DCC: variants seen among roughly 807,000 people sequenced by gnomAD.
DCC encodes the protein netrin receptor DCC.
Under a neutral mutation model 172.5 loss-of-function variants are expected in DCC, and 58 were observed. That is an observed-to-expected ratio of 0.34 (90% confidence interval 0.27 to 0.42). The LOEUF is 0.42. Ranked by LOEUF, DCC falls within the 10% of genes least tolerant of loss-of-function variation. The probability of loss-of-function intolerance (pLI) is 1.00; values close to 1 mark genes in which losing one functional copy is unlikely to be tolerated. For missense variants in DCC, 1,740 were observed against 1,791.0 expected, an observed-to-expected ratio of 0.97 and a Z score of 0.51; for synonymous variants, 709 against 644.5, an observed-to-expected ratio of 1.10 and a Z score of -1.52.
At chr18:53,157,277 A>G (rs1435340148) in intron 7 of DCC, 79 bp from the exon 8 acceptor site, 1 of 1,562,600 alleles carries the variant, frequency 6.4e-7, no homozygotes, top group Non-Finnish European at 8.8e-7. Flanking sequence ...ATGCTTGCTA[A>G]TAGGTTGGCT....
At chr18:53,048,235 C>T (rs921888650) in intron 5 of DCC, among the ~76,000 whole-genome samples, 5 of 151,616 alleles carry the variant, frequency 3.3e-5, no homozygotes, top group African/African-American at 1.2e-4. Flanking sequence ...AAGGACAGTA[C>T]CCAATAGGTA....
chr18:53,470,675 C>A (rs188799330), intron 25 of DCC, among the ~76,000 whole-genome samples: 1 of 151,792 alleles, frequency 6.6e-6, no homozygotes, highest in African/African-American at 2.4e-5. Context: ...AGAATCATGG[C>A]GGAAGGTGAA....
At chr18:52,386,085 G>A (rs1985787991) in intron 1 of DCC, among the ~76,000 whole-genome samples, 1 of 152,024 alleles carries the variant, frequency 6.6e-6, no homozygotes, top group Admixed American at 6.5e-5. Flanking sequence ...CTAGCATAAG[G>A]TCAGAACTCA....
chr18:52,776,500 C>T (rs750444347), intron 2 of DCC, among the ~76,000 whole-genome samples: 13 of 152,092 alleles, frequency 8.5e-5, no homozygotes, highest in Middle Eastern at 3.4e-3. Context: ...TCTAGAGTAT[C>T]CGGGTAGCAA....
intron 1 of DCC, among the ~76,000 whole-genome samples, chr18:52,592,472 G>A (rs997429979): frequency 2.6e-5 from 4 of 152,106 alleles, no homozygotes; most frequent in Non-Finnish European, 2.9e-5. Context: ...GGTTGTTGGC[G>A]GAATTCACTT....
intron 1 of DCC, among the ~76,000 whole-genome samples, chr18:52,372,628 G>C (rs1375153268): frequency 4.6e-5 from 7 of 152,170 alleles, no homozygotes; most frequent in Admixed American, 6.5e-5. Flanking sequence ...CATTTAACGT[G>C]AGTGTGAAAC....
intron 15 of DCC, among the ~76,000 whole-genome samples, chr18:53,344,441 T>TG (rs1491550229): frequency 3.9e-5 from 1 of 25,432 alleles, no homozygotes; most frequent in Non-Finnish European, 6.7e-5. Flanking sequence ...TTCGTTTTTC[T>TG]TTTTTTTTTT....
intron 12 of DCC, among the ~76,000 whole-genome samples, chr18:53,283,414 C>T (rs73957144): frequency 0.046 from 7,026 of 152,056 alleles, 565 homozygotes; most frequent in African/African-American, 0.16. Flanking sequence ...TTTTCAGGCT[C>T]AGAGTCTTTA....
intron 27 of DCC, among the ~76,000 whole-genome samples, chr18:53,523,183 T>C (rs2046419267): frequency 6.6e-6 from 1 of 152,128 alleles, no homozygotes; most frequent in East Asian, 1.9e-4. Flanking sequence ...TCACTGGTCA[T>C]TAGAGAAATG....
intron 24 of DCC, among the ~76,000 whole-genome samples, chr18:53,460,733 A>G (rs987835691): frequency 2.0e-5 from 3 of 152,158 alleles, no homozygotes; most frequent in Non-Finnish European, 2.9e-5. Context: ...TAATGCCTCA[A>G]TAAACATACG....
intron 7 of DCC, among the ~76,000 whole-genome samples, chr18:53,096,872 T>C (rs1036576577): frequency 6.6e-6 from 1 of 152,182 alleles, no homozygotes; most frequent in African/African-American, 2.4e-5. Flanking sequence ...AACTACTTTA[T>C]AATGAAGTAA....
intron 2 of DCC, among the ~76,000 whole-genome samples, chr18:52,896,124 C>T (rs1321222737): frequency 6.6e-6 from 1 of 152,134 alleles, no homozygotes; most frequent in Non-Finnish European, 1.5e-5. Context: ...AATCACTTTA[C>T]TGAGGTGGTG....
chr18:52,923,575 T>C (rs1308932536), intron 3 of DCC, 132 bp from the exon 4 acceptor site: 6 of 736,662 alleles, frequency 8.1e-6, no homozygotes, highest in Non-Finnish European at 1.4e-5. Flanking sequence ...AAAACTATTT[T>C]AGGAGTTTAC....
At chr18:53,522,198 C>A (rs1043806624) in intron 27 of DCC, among the ~76,000 whole-genome samples, 4 of 151,850 alleles carry the variant, frequency 2.6e-5, no homozygotes, top group Non-Finnish European at 5.9e-5. Flanking sequence ...TCTGTACCTG[C>A]CAAGGTTTTT....
intron 1 of DCC, among the ~76,000 whole-genome samples, chr18:52,446,338 G>T (rs767624170): frequency 1.3e-5 from 2 of 152,322 alleles, no homozygotes; most frequent in Non-Finnish European, 2.9e-5. Context: ...TTGAAATTCT[G>T]TATTTGCTTA....
intron 2 of DCC, among the ~76,000 whole-genome samples, chr18:52,766,530 G>C (rs543946921): frequency 1.3e-5 from 2 of 151,944 alleles, no homozygotes; most frequent in Non-Finnish European, 2.9e-5. Context: ...AGTGGCTCTC[G>C]GTGGGAAGAG....
chr18:53,042,963 C>T (rs1201058586), intron 5 of DCC, among the ~76,000 whole-genome samples: 2 of 151,910 alleles, frequency 1.3e-5, no homozygotes, highest in African/African-American at 4.8e-5. Context: ...AATTCCATTA[C>T]TGGGCATATA....
chr18:52,785,899 C>T (rs2037648197), intron 2 of DCC, among the ~76,000 whole-genome samples: 1 of 152,030 alleles, frequency 6.6e-6, no homozygotes, highest in African/African-American at 2.4e-5. Flanking sequence ...ATTTTTAGGA[C>T]AAGTATTTAC....
chr18:52,560,298 GATTGTATATA>G (rs1331397771), intron 1 of DCC, among the ~76,000 whole-genome samples: 3 of 152,146 alleles, frequency 2.0e-5, no homozygotes, highest in Non-Finnish European at 2.9e-5. Context: ...CTGAAATCTG[GATTGTATATA>G]ATTGTATATA....
Sources: gnomAD v4.1 joint callset for allele counts (sites outside exome capture counted in the v4.1 genomes callset) on GRCh38, gnomAD v4.1.1 for gene constraint, MANE v1.5 for transcripts, NCBI Gene and HGNC (gene_info 2026-07-23, HGNC 2026-07-21) for gene names.